The following MGAT5B variants were observed in gnomAD, a reference collection of about 807,000 sequenced individuals.
The protein encoded by MGAT5B is alpha-1,6-mannosylglycoprotein 6-beta-N-acetylglucosaminyltransferase B, also known as N-acetylglucosaminyl-transferase Vb.
In MGAT5B, 54 loss-of-function variants were observed where a neutral mutation model predicts 95.1. The ratio of observed to expected loss-of-function variants is 0.57; its 90% CI spans 0.46 to 0.71. MGAT5B has a LOEUF of 0.71. Among genes scored for constraint, MGAT5B ranks in the 30% least tolerant of loss-of-function variants. The pLI, the probability that MGAT5B is intolerant of heterozygous loss-of-function variation, is 0.00. For missense variants in MGAT5B, 935 were observed against 1,088.6 expected (o/e 0.86, Z 1.99); for synonymous variants, 464 against 451.0 (o/e 1.03, Z -0.36).
intron 3 of MGAT5B, among the ~76,000 whole-genome samples, chr17:76,886,660 G>T (rs1967639945): frequency 6.6e-6 from 1 of 152,198 alleles, no homozygotes; most frequent in Non-Finnish European, 1.5e-5. Flanking sequence ...GTGGACCAGG[G>T]AGGAGGGGCC....
chr17:76,885,661 C>CGA (rs1568167837), intron 3 of MGAT5B, among the ~76,000 whole-genome samples: 1 of 152,226 alleles, frequency 6.6e-6, no homozygotes, highest in African/African-American at 2.4e-5. Context: ...CCATCCATCA[C>CGA]GACCGGCAGA....
In MGAT5B at chr17:76,917,026, G is replaced by A. The variant is rs190680524; in HGVS notation, c.1026-7940G>A. Among the ~76,000 whole-genome samples the A allele has an allele frequency of 2.5e-3, 380 of 152,252 alleles. 1 individual carries two copies. Among genetic ancestry groups the A allele is most frequent in the African/African-American group, 7.8e-3 (325 of 41,552 alleles). On this transcript the variant is annotated intron_variant, in intron 8 of 17. Coordinates refer to ENST00000569840, the MANE Select transcript of MGAT5B (RefSeq NM_001199172.2). The surrounding 1 kb of genome is among the most constrained non-coding windows in gnomAD (Gnocchi z 6.1). Reference sequence around the variant, plus strand: ...CGAATAACCCCCTAGCACTCTTCCCGACTACGCTGTCAGGTTTGAGTCAGC... The same window carrying A: ...CGAATAACCCCCTAGCACTCTTCCCAACTACGCTGTCAGGTTTGAGTCAGC...
chr17:76,903,031 G>A (rs902310899), intron 4 of MGAT5B, among the ~76,000 whole-genome samples: 2 of 152,080 alleles, frequency 1.3e-5, no homozygotes, highest in African/African-American at 4.8e-5. Flanking sequence ...GAAAACGCTG[G>A]GGATGCTTTC....
intron 3 of MGAT5B, among the ~76,000 whole-genome samples, chr17:76,894,852 C>CA (rs1162807852): frequency 3.0e-3 from 191 of 63,112 alleles, no homozygotes; most frequent in Middle Eastern, 9.4e-3. Flanking sequence ...GACTCTGTCT[C>CA]AAAAAAAAAA....
intron 3 of MGAT5B, among the ~76,000 whole-genome samples, chr17:76,899,077 G>A (rs1435192486): frequency 2.0e-5 from 3 of 152,240 alleles, no homozygotes; most frequent in Non-Finnish European, 4.4e-5. Context: ...ATGGAGAGGA[G>A]CCTCGCTCCA....
chr17:76,915,053 C>G lies in MGAT5B; in HGVS notation c.1025+8866C>G, dbSNP rs1025006154. ...CTTTTTCCAAACAAAGTCACATTCA[C>G]AGGTACGGGGATTAGGACTTCACCC... On this transcript the variant is annotated intron_variant, in intron 8 of 17. Coordinates refer to ENST00000569840, the MANE Select transcript of MGAT5B (RefSeq NM_001199172.2). The surrounding 1 kb of genome is among the most constrained non-coding windows in gnomAD (Gnocchi z 8.7). 4.6e-5 allele frequency among the ~76,000 whole-genome samples: 7 copies of G among 152,244 alleles called. No individual in the cohort carries two copies. Among genetic ancestry groups the G allele is most frequent in the African/African-American group, 1.7e-4 (7 of 41,462 alleles).
chr17:76,889,401 A>T lies in MGAT5B; in HGVS notation c.329+7103A>T, dbSNP rs2145153518. On this transcript the variant is annotated intron_variant, in intron 3 of 17. Transcript: ENST00000569840. This position sits in a 1 kb window ranked among gnomAD's most constrained non-coding sequence, Gnocchi z 4.4. The stretch of plus-strand genomic sequence containing the variant: ...AGAGCTCTCAGGGAACACACCTGAT[A>T]ACCTGGGAAGTCACTGTCCCCTCTC... 1.3e-5 allele frequency among the ~76,000 whole-genome samples: 2 copies of T among 152,210 alleles called. No individual in the cohort carries two copies. The highest frequency in any genetic ancestry group is 3.4e-3 in the Middle Eastern group (1 of 294).
intron 8 of MGAT5B, among the ~76,000 whole-genome samples, chr17:76,922,969 C>A (rs9911555): frequency 0.13 from 19,456 of 152,186 alleles, 1,435 homozygotes; most frequent in East Asian, 0.31. Context: ...AAAGCGCCTC[C>A]CCTCTTGCTG....
intron 5 of MGAT5B, among the ~76,000 whole-genome samples, chr17:76,903,842 T>C (rs1968415282): frequency 6.6e-6 from 1 of 152,188 alleles, no homozygotes; most frequent in African/African-American, 2.4e-5. Context: ...CCATCTGGGA[T>C]CACTGCAGGT....
intron 15 of MGAT5B, among the ~76,000 whole-genome samples, chr17:76,943,478 T>C (rs1969930381): frequency 6.6e-6 from 1 of 152,208 alleles, no homozygotes; most frequent in Admixed American, 6.5e-5. Flanking sequence ...TCCTCGAGCC[T>C]ATCCCGCACC....
intron 3 of MGAT5B, among the ~76,000 whole-genome samples, chr17:76,888,485 C>G (rs1420341365): frequency 2.6e-5 from 4 of 152,168 alleles, no homozygotes; most frequent in Non-Finnish European, 5.9e-5. Context: ...GAAAAGTGAT[C>G]AGTTTCATAA....
intron 2 of MGAT5B, among the ~76,000 whole-genome samples, chr17:76,874,496 G>A (rs377623934): frequency 1.9e-4 from 29 of 151,976 alleles, no homozygotes; most frequent in African/African-American, 6.8e-4. Flanking sequence ...AAGATGGGGT[G>A]TAGACAGAGA....
intron 3 of MGAT5B, among the ~76,000 whole-genome samples, chr17:76,886,118 C>G (rs73371842): frequency 6.6e-6 from 1 of 152,202 alleles, no homozygotes; most frequent in Non-Finnish European, 1.5e-5. Flanking sequence ...ATTATGTATC[C>G]TCAAGCCAAA....
Position 76,906,367 on chromosome 17 carries a change from C to T in MGAT5B, c.1025+180C>T, listed in dbSNP as rs1968529885. The stretch of plus-strand genomic sequence containing the variant: ...ATCACCACTCCTAATCCCCCTCCTC[C>T]TGCCCGGTCTTGGGGGATGTGGCAG... On this transcript the variant is annotated intron_variant, in intron 8 of 17. Transcript: ENST00000569840. This position sits in a 1 kb window ranked among gnomAD's most constrained non-coding sequence, Gnocchi z 4.6. Among the ~76,000 whole-genome samples, 1 of 152,228 alleles carries T rather than the reference C, an allele frequency of 6.6e-6. No homozygotes were observed. Among genetic ancestry groups the T allele is most frequent in the Non-Finnish European group, 1.5e-5 (1 of 68,034 alleles).
chr17:76,904,438 G>T lies in MGAT5B; in HGVS notation c.690+16G>T. 1 of 1,549,640 alleles carries T rather than the reference G, an allele frequency of 6.5e-7. No individual in the cohort carries two copies. The highest frequency in any genetic ancestry group is 1.2e-5 in the South Asian group (1 of 84,164). ...CAAAGTCCAGGTGGGCCTGGGAGGT[G>T]GGTGGGCCGGTGAGGGGCTGGTGTG... On this transcript the variant is annotated intron_variant, in intron 6 of 17. Transcript: ENST00000569840.
intron 8 of MGAT5B, among the ~76,000 whole-genome samples, chr17:76,920,246 G>T (rs901611938): frequency 6.6e-6 from 1 of 152,156 alleles, no homozygotes; most frequent in African/African-American, 2.4e-5. Flanking sequence ...ATCTGTGGGG[G>T]CTGCTGAACC....
At position 76,905,263 on chromosome 17, in the gene MGAT5B, C is replaced by G; in HGVS notation, c.785C>G (p.Thr262Arg). 2.5e-6 allele frequency: 4 copies of G among 1,612,680 alleles called. No homozygotes were observed. Among genetic ancestry groups the G allele is most frequent in the Non-Finnish European group, 3.4e-6 (4 of 1,179,284 alleles). ...ATGAAGAAGCGGACCAAGAGGCTCACAGCCCAGTGGGCGCTGGCTGCCCAG... is the reference window on the plus strand; with the variant it reads ...ATGAAGAAGCGGACCAAGAGGCTCAGAGCCCAGTGGGCGCTGGCTGCCCAG... The part of the protein sequence containing the change: ...IFMKKRTKRL[T>R]AQWALAAQRL... The change falls in exon 7 of 18, where the codon ACA becomes AGA. Residue 262 changes from threonine to arginine, a missense_variant. Physicochemically the swap from Thr to Arg is moderately conservative, Grantham distance 71. Around this residue, in one of 4 missense-constraint regions of MGAT5B, gnomAD observed 243 missense variants for 305.5 expected, o/e 0.80. Transcript: ENST00000569840. The surrounding 1 kb of genome is among the most constrained non-coding windows in gnomAD (Gnocchi z 4.2).
intron 16 of MGAT5B, among the ~76,000 whole-genome samples, chr17:76,946,960 CCTT>C (rs1970050235): frequency 6.6e-6 from 1 of 152,250 alleles, no homozygotes; most frequent in African/African-American, 2.4e-5. Context: ...GGAGTACACT[CCTT>C]CTCCTCCCAC....
chr17:76,921,280 G>A (rs1300432553), intron 8 of MGAT5B, among the ~76,000 whole-genome samples: 1 of 152,202 alleles, frequency 6.6e-6, no homozygotes, highest in Non-Finnish European at 1.5e-5. Flanking sequence ...ACAGGTACAG[G>A]AAGTGTCCGG....
Sources: gnomAD v4.1 joint callset for allele counts (sites outside exome capture counted in the v4.1 genomes callset) on GRCh38, gnomAD v4.1.1 for gene constraint, gnomAD v4.1.1 regional missense constraint, Gnocchi (gnomAD v3.1) non-coding constraint, MANE v1.5 for transcripts, NCBI Gene and HGNC (gene_info 2026-07-23, HGNC 2026-07-21) for gene names.